The following C8orf34 variants were observed in gnomAD, a reference collection of about 807,000 sequenced individuals.
C8orf34 encodes uncharacterized protein C8orf34.
Under a neutral mutation model 68.3 loss-of-function variants are expected in C8orf34, and 65 were observed. The observed-to-expected ratio is 0.95, with a 90% CI of 0.78 to 1.17. The LOEUF is 1.17. C8orf34 is among the 50% of genes most tolerant of loss of function. The pLI is 0.00. For missense variants in C8orf34, 664 were observed against 655.4 expected (o/e 1.01, Z -0.14); for synonymous variants, 244 against 241.2 (o/e 1.01, Z -0.11).
intron 10 of C8orf34, among the ~76,000 whole-genome samples, chr8:68,743,221 T>C (rs1037863953): frequency 5.3e-5 from 8 of 152,192 alleles, no homozygotes; most frequent in Non-Finnish European, 2.9e-5. Context: ...TTGAGTATGA[T>C]GATGAATTTA....
chr8:68,386,249 T>C (rs1808255654), intron 1 of C8orf34, among the ~76,000 whole-genome samples: 1 of 152,328 alleles, frequency 6.6e-6, no homozygotes, highest in East Asian at 1.9e-4. Flanking sequence ...AAACAGAGCC[T>C]GAACTTGGCA....
intron 12 of C8orf34, among the ~76,000 whole-genome samples, chr8:68,794,044 A>C (rs187821012): frequency 1.3e-5 from 2 of 152,314 alleles, no homozygotes; most frequent in East Asian, 3.9e-4. Flanking sequence ...TGTTATATTC[A>C]TAAGCTATGA....
intron 5 of C8orf34, among the ~76,000 whole-genome samples, chr8:68,519,094 C>T (rs1428152675): frequency 4.6e-5 from 7 of 152,122 alleles, no homozygotes. Flanking sequence ...TTAAAAGACA[C>T]AGATCTAAGG....
At chr8:68,559,882 A>G (rs944326056) in intron 7 of C8orf34, among the ~76,000 whole-genome samples, 2 of 152,184 alleles carry the variant, frequency 1.3e-5, no homozygotes, top group Admixed American at 1.3e-4. Context: ...GGCTGTGAAT[A>G]GAAGATCCAT....
chr8:68,781,474 C>T (rs1823678128), intron 11 of C8orf34, among the ~76,000 whole-genome samples: 1 of 152,084 alleles, frequency 6.6e-6, no homozygotes, highest in Admixed American at 6.5e-5. Context: ...AGAAGTTGCT[C>T]TTGGGAATAT....
At chr8:68,815,405 A>T (rs1824780326) in intron 12 of C8orf34, among the ~76,000 whole-genome samples, 1 of 152,116 alleles carries the variant, frequency 6.6e-6, no homozygotes, top group Non-Finnish European at 1.5e-5. Flanking sequence ...TATATATACT[A>T]CCTCATGAAA....
In C8orf34 at chr8:68,505,655, C is replaced by A. The variant is rs569358795; in HGVS notation, c.766-16144C>A. ...CTGAGGCAGGAGAATGGCGTGAACC[C>A]GGGAAGCGGAGCTTGCCGTGAGCCG... On this transcript the variant is annotated intron_variant, in intron 5 of 13. Transcript: ENST00000518698. Among the ~76,000 whole-genome samples the A allele has an allele frequency of 2.9e-5, 3 of 102,184 alleles. 1 individual carries two copies. Among genetic ancestry groups the A allele is most frequent in the African/African-American group, 2.2e-4 (3 of 13,594 alleles). The allele number at this position is 102,184 out of a possible 152,430, so 67.0% of individuals were successfully genotyped here.
At chr8:68,513,915 T>A (rs1814392934) in intron 5 of C8orf34, among the ~76,000 whole-genome samples, 1 of 152,012 alleles carries the variant, frequency 6.6e-6, no homozygotes, top group Admixed American at 6.6e-5. Context: ...GGGGGTATGG[T>A]TTCCGCTATC....
intron 4 of C8orf34, among the ~76,000 whole-genome samples, chr8:68,481,024 A>G (rs956388247): frequency 1.3e-5 from 2 of 152,304 alleles, no homozygotes; most frequent in South Asian, 2.1e-4. Flanking sequence ...AGGCTATGTC[A>G]GAGACTTTCA....
chr8:68,611,536 A>G (rs569995435), intron 7 of C8orf34, among the ~76,000 whole-genome samples: 1 of 152,312 alleles, frequency 6.6e-6, no homozygotes, highest in South Asian at 2.1e-4. Flanking sequence ...ATAGAAATTA[A>G]TACACAGCAT....
At chr8:68,685,083 G>A (rs1028739462) in intron 8 of C8orf34, among the ~76,000 whole-genome samples, 1 of 152,026 alleles carries the variant, frequency 6.6e-6, no homozygotes, top group African/African-American at 2.4e-5. Flanking sequence ...TTATACTAAG[G>A]TATAACTCTT....
chr8:68,433,899 T>G (rs1810549045), intron 1 of C8orf34, among the ~76,000 whole-genome samples: 1 of 152,326 alleles, frequency 6.6e-6, no homozygotes, highest in East Asian at 1.9e-4. Context: ...TTAAAATGCA[T>G]TTTGAGACGA....
At chr8:68,535,337 TA>T in intron 7 of C8orf34, 1 of 983,198 alleles carries the variant, frequency 1.0e-6, no homozygotes, top group Non-Finnish European at 1.2e-6. Flanking sequence ...TATGTGTTTG[TA>T]AATGTTTAAC....
intron 10 of C8orf34, among the ~76,000 whole-genome samples, chr8:68,743,563 T>A (rs1053425116): frequency 2.0e-5 from 3 of 152,186 alleles, no homozygotes; most frequent in African/African-American, 7.2e-5. Flanking sequence ...AGGCATTGCC[T>A]CACTCGGGAA....
intron 5 of C8orf34, among the ~76,000 whole-genome samples, chr8:68,515,376 T>A (rs1343663493): frequency 7.1e-6 from 1 of 140,220 alleles, no homozygotes; most frequent in Non-Finnish European, 1.5e-5. Flanking sequence ...AATTTCTCTT[T>A]TTTTTCTTTT....
intron 10 of C8orf34, among the ~76,000 whole-genome samples, chr8:68,739,926 A>T (rs1426022799): frequency 1.7e-4 from 26 of 152,006 alleles, no homozygotes; most frequent in Admixed American, 1.7e-3. Flanking sequence ...ATAGACCAGA[A>T]TAGAGAGCCC....
intron 1 of C8orf34, among the ~76,000 whole-genome samples, chr8:68,429,888 G>A (rs1228518324): frequency 6.6e-6 from 1 of 152,130 alleles, no homozygotes; most frequent in East Asian, 1.9e-4. Flanking sequence ...TAGAAAAATA[G>A]TTGGTCTTTG....
At chr8:68,524,787 A>T (rs927096640) in intron 6 of C8orf34, among the ~76,000 whole-genome samples, 1 of 152,206 alleles carries the variant, frequency 6.6e-6, no homozygotes, top group Non-Finnish European at 1.5e-5. Flanking sequence ...ATATACTCTT[A>T]TTTTAAGCCA....
chr8:68,683,502 A>T (rs1820427617), intron 8 of C8orf34, among the ~76,000 whole-genome samples: 2 of 151,986 alleles, frequency 1.3e-5, no homozygotes, highest in South Asian at 4.1e-4. Context: ...GTGGGGGTGT[A>T]ACTCTATTTT....
Sources: gnomAD v4.1 joint callset for allele counts (sites outside exome capture counted in the v4.1 genomes callset) on GRCh38, gnomAD v4.1.1 for gene constraint, MANE v1.5 for transcripts, NCBI Gene and HGNC (gene_info 2026-07-23, HGNC 2026-07-21) for gene names.